HTRA4: variants seen among roughly 807,000 people sequenced by gnomAD.
HTRA4 encodes the protein serine protease HTRA4.
HTRA4 carries 46 observed loss-of-function variants against 49.1 expected under a neutral mutation model. That is an observed-to-expected ratio of 0.94 (90% CI 0.74 to 1.20). The LOEUF (loss-of-function observed/expected upper bound fraction) is 1.20, where lower values mean the gene tolerates loss of function less well. Ranked by LOEUF, HTRA4 falls within the 50% of genes most tolerant of loss-of-function variation. The probability of loss-of-function intolerance (pLI) is 0.00; values close to 1 mark genes in which losing one functional copy is unlikely to be tolerated. For synonymous variants in HTRA4, 261 were observed against 264.0 expected (o/e 0.99, Z 0.11); for missense variants, 602 against 636.9 (o/e 0.95, Z 0.59).
intron 3 of HTRA4, 58 bp downstream of exon 3, chr8:38,976,797 T>C: frequency 6.6e-7 from 1 of 1,524,572 alleles, no homozygotes; most frequent in Non-Finnish European, 9.0e-7. Flanking sequence ...ATCTATTTGC[T>C]GATATTTTCT....
Position 38,988,039 on chromosome 8 carries a change from G to C in HTRA4, c.1372G>C (p.Ala458Pro). 1 of 1,611,920 alleles carries C rather than the reference G, an allele frequency of 6.2e-7. No homozygotes were observed. The highest frequency in any genetic ancestry group is 2.2e-5 in the East Asian group (1 of 44,798). The change falls in exon 9 of 9, where the codon GCT becomes CCT. Residue 458 changes from alanine (A) to proline (P), a missense_variant. By Grantham distance (27) the Ala-to-Pro change is conservative (BLOSUM62 -1). Coordinates refer to ENST00000302495, the MANE Select transcript of HTRA4 (RefSeq NM_153692.4). ...TCTTGACAGTGATTCCCTTTCCATG[G>C]CTGTTCTTCGGGGAAAAGATAATTT... Reference protein sequence around the residue: ...KALDSDSLSMAVLRGKDNLLL... With the variant: ...KALDSDSLSMPVLRGKDNLLL...
Position 38,985,112 on chromosome 8 carries a change from G to A in HTRA4, c.1268+2064G>A, listed in dbSNP as rs137875371. 7.1e-3 allele frequency among the ~76,000 whole-genome samples: 1,078 copies of A among 152,080 alleles called. 14 individuals carry two copies. Among genetic ancestry groups the A allele is most frequent in the African/African-American group, 0.025 (1,020 of 41,494 alleles). ...ACATTTAATACTAAGTACTGAGAGA[G>A]GTGGCTTGTCCTACAAATATCATTC... On this transcript the variant is annotated intron_variant, in intron 8 of 8. Coordinates refer to ENST00000302495, the MANE Select transcript of HTRA4 (RefSeq NM_153692.4).
At chr8:38,986,494 C>A (rs1835484088) in intron 8 of HTRA4, among the ~76,000 whole-genome samples, 1 of 152,168 alleles carries the variant, frequency 6.6e-6, no homozygotes, top group Non-Finnish European at 1.5e-5. Context: ...GTCTCGAACT[C>A]CTGACCTCAG....
chr8:38,979,811 T>C (rs1835397422), intron 5 of HTRA4, among the ~76,000 whole-genome samples: 1 of 152,138 alleles, frequency 6.6e-6, no homozygotes, highest in African/African-American at 2.4e-5. Context: ...GCCACCATGC[T>C]GTGCCAAAAG....
intron 5 of HTRA4, among the ~76,000 whole-genome samples, chr8:38,980,455 C>A (rs1199016252): frequency 6.6e-6 from 1 of 151,838 alleles, no homozygotes; most frequent in Non-Finnish European, 1.5e-5. Context: ...TGGCTGGGTA[C>A]GGTGGCTCAC....
At chr8:38,984,231 C>T (rs1835458016) in intron 8 of HTRA4, among the ~76,000 whole-genome samples, 1 of 151,658 alleles carries the variant, frequency 6.6e-6, no homozygotes, top group African/African-American at 2.4e-5. Flanking sequence ...GAACTCCTGA[C>T]CTCAAGTGAT....
Position 38,974,694 on chromosome 8 carries a change from C to A in HTRA4, c.431C>A (p.Ala144Asp). 7.1e-7 allele frequency: 1 copy of A among 1,414,854 alleles called. No homozygotes were observed. Among genetic ancestry groups the A allele is most frequent in the Non-Finnish European group, 9.1e-7 (1 of 1,095,330 alleles). The allele number at this position is 1,414,854 out of a possible 1,614,324, so 87.6% of individuals were successfully genotyped here. A position where few individuals can be genotyped will look rare whatever the true frequency, so the allele number is the denominator to read the frequency against. ...RAARRLGKVP[A>D]VPVQWGNCGD... ...GCGCGCCGCCTGGGCAAGGTCCCGG[C>A]CGTGCCTGTGCAGTGGGGGAACTGC... The change falls in exon 1 of 9, where the codon GCC becomes GAC. Residue 144 changes from alanine to aspartate, a missense_variant. By Grantham distance (126) the Ala-to-Asp change is moderately radical (BLOSUM62 -2). Transcript: ENST00000302495.
At chr8:38,982,465 T>C (rs374833705) in intron 6 of HTRA4, 33 bp from the exon 7 acceptor site, 1 of 1,594,260 alleles carries the variant, frequency 6.3e-7, no homozygotes, top group African/African-American at 1.3e-5. Context: ...GGAAAGAGGT[T>C]TTGTTGTAAC....
rs1216022485 is a variant in HTRA4, at chr8:38,974,626, C to T, written c.363C>T (p.Arg121=). ...LGGAVCGSDR[R]TYPSMCALRA... Reference sequence around the variant, plus strand: ...GGGCCGTGTGCGGCAGCGACAGGCGCACCTACCCCAGCATGTGCGCGCTCC... The same window carrying T: ...GGGCCGTGTGCGGCAGCGACAGGCGTACCTACCCCAGCATGTGCGCGCTCC... Residue 121 remains arginine, a synonymous_variant, in exon 1 of 9, where the codon CGC becomes CGT. Transcript: ENST00000302495. The T allele has an allele frequency of 7.0e-7, 1 of 1,427,528 alleles. No homozygotes were observed. The highest frequency in any genetic ancestry group is 1.5e-5 in the African/African-American group (1 of 66,732). The allele number at this position is 1,427,528 out of a possible 1,614,324, so 88.4% of individuals were successfully genotyped here. A position where few individuals can be genotyped will look rare whatever the true frequency, so the allele number is the denominator to read the frequency against.
chr8:38,984,015 C>G (rs146573147), intron 8 of HTRA4, among the ~76,000 whole-genome samples: 2 of 129,680 alleles, frequency 1.5e-5, no homozygotes, highest in African/African-American at 5.4e-5. Flanking sequence ...GTTTTTTTTT[C>G]TTTTGAGATG....
rs546649374 is a variant in HTRA4, at chr8:38,985,062, C to T, written c.1268+2014C>T. 2.6e-5 allele frequency among the ~76,000 whole-genome samples: 4 copies of T among 152,334 alleles called. No homozygotes were observed. The East Asian group carries it at 7.7e-4, about 29-fold the overall frequency. ...GGACAGCTTCCAAAAGAAGGTTCTC[C>T]AGCTGATTTCACTGTTGTTTCAAAA... On this transcript the variant is annotated intron_variant, in intron 8 of 8. Transcript: ENST00000302495.
At chr8:38,978,762 C>T (rs1353939103) in intron 4 of HTRA4, among the ~76,000 whole-genome samples, 3 of 150,816 alleles carry the variant, frequency 2.0e-5, no homozygotes, top group African/African-American at 7.3e-5. Context: ...TTTGGGAGGC[C>T]GAAGGGGGTG....
chr8:38,976,663 A>G lies in HTRA4; in HGVS notation c.695A>G (p.Asn232Ser), dbSNP rs1400109895. Residue 232 changes from asparagine (N) to serine (S), a missense_variant, in exon 3 of 9, where the codon AAT (asparagine) becomes AGT (serine). Asn to Ser is a conservative substitution (Grantham distance 46). Coordinates refer to ENST00000302495, the MANE Select transcript of HTRA4 (RefSeq NM_153692.4). Reference protein sequence around the residue: ...NQQWIEVVLQNGARYEAVVKD... With the variant: ...NQQWIEVVLQSGARYEAVVKD... ...CAGTGGATTGAGGTGGTGCTCCAGA[A>G]TGGGGCCCGTTATGAAGCTGTTGTC... 1.2e-6 allele frequency: 2 copies of G among 1,613,898 alleles called. No homozygotes were observed. Among genetic ancestry groups the G allele is most frequent in the African/African-American group, 2.7e-5 (2 of 75,034 alleles).
intron 8 of HTRA4, among the ~76,000 whole-genome samples, chr8:38,984,539 G>A (rs1350430621): frequency 6.6e-6 from 1 of 151,858 alleles, no homozygotes; most frequent in Non-Finnish European, 1.5e-5. Context: ...TTGAGGTCAG[G>A]ATTTTGAGAC....
chr8:38,988,125 T>TAA lies in HTRA4; in HGVS notation c.*39_*40dup, dbSNP rs373559742. ...TATCTTGTTTTAAAGTGGGATTATCTAAAAAAAAAAAAACCAGTTATATCA... is the reference window on the plus strand; with the variant it reads ...TATCTTGTTTTAAAGTGGGATTATCTAAAAAAAAAAAAAAACCAGTTATATCA... On this transcript the variant is annotated 3_prime_UTR_variant, in exon 9 of 9. Transcript: ENST00000302495. 0.17 allele frequency: 226,501 copies of TAA among 1,314,716 alleles called. 7,845 individuals are homozygous for TAA. Among genetic ancestry groups the TAA allele is most frequent in the East Asian group, 0.36 (13,078 of 36,094 alleles). The allele number at this position is 1,314,716 out of a possible 1,614,324, so 81.4% of individuals were successfully genotyped here. A position where few individuals can be genotyped will look rare whatever the true frequency, so the allele number is the denominator to read the frequency against.
rs1432593252 is a variant in HTRA4 at position 38,974,517 on chromosome 8, GC to G, written c.256del (p.Gln86AsnfsTer121). On this transcript the variant is annotated frameshift_variant, in exon 1 of 9. Transcript: ENST00000302495. LOFTEE classifies it high-confidence loss of function. ...CGTGAAGTCTGCGGCGGGGCGCAGG[GC>G]CAACCGTGCGCCCCGGGGCTGCAGT... ...AEREVCGGAQ[G>X]QPCAPGLQCL... 7.6e-6 allele frequency: 11 copies of G among 1,445,376 alleles called. No individual in the cohort carries two copies. The highest frequency in any genetic ancestry group is 9.0e-6 in the Non-Finnish European group (10 of 1,111,720). 89.5% of individuals were successfully genotyped at this position (1,445,376 alleles called of 1,614,324 possible).
Position 38,981,063 on chromosome 8 carries a change from G to GTTTTTTTTT in HTRA4, c.1000-564_1000-556dup, listed in dbSNP as rs71216700. On this transcript the variant is annotated intron_variant, in intron 5 of 8. Coordinates refer to ENST00000302495, the MANE Select transcript of HTRA4 (RefSeq NM_153692.4). ...TACTAAAGGAAAAAAATGAGCTTAA[G>GTTTTTTTTT]TTTTTTTTTTTTTTTTTTTTTTTTT... is the stretch of plus-strand genomic sequence containing the variant. 1.5e-3 allele frequency among the ~76,000 whole-genome samples: 73 copies of GTTTTTTTTT among 48,132 alleles called. 5 individuals carry two copies. The highest frequency in any genetic ancestry group is 1.6e-3 in the Non-Finnish European group (37 of 23,326). 31.6% of individuals were successfully genotyped at this position (48,132 alleles called of 152,430 possible).
intron 8 of HTRA4, among the ~76,000 whole-genome samples, chr8:38,983,356 C>G (rs1389942322): frequency 6.6e-6 from 1 of 152,124 alleles, no homozygotes; most frequent in Non-Finnish European, 1.5e-5. Context: ...GGCCAACATA[C>G]TGAAACCCCG....
In HTRA4 at chr8:38,978,010, G is replaced by A. The variant is rs750960313; in HGVS notation, c.829G>A (p.Val277Met). ...ATCTGACCTTCGGGCTGGAGAGTTTGTGGTGGCTTTGGGCAGCCCATTTTC... is the reference window on the plus strand; with the variant it reads ...ATCTGACCTTCGGGCTGGAGAGTTTATGGTGGCTTTGGGCAGCCCATTTTC... Reference protein sequence around the residue: ...RSSDLRAGEFVVALGSPFSLQ... With the variant: ...RSSDLRAGEFMVALGSPFSLQ... The change falls in exon 4 of 9, where the codon GTG (valine) becomes ATG (methionine). Residue 277 changes from valine to methionine, a missense_variant. Transcript: ENST00000302495. 2 of 1,614,186 alleles carry A rather than the reference G, an allele frequency of 1.2e-6. No homozygotes were observed. The highest frequency in any genetic ancestry group is 3.3e-5 in the Admixed American group (2 of 60,022).
Sources: gnomAD v4.1 joint callset for allele counts (sites outside exome capture counted in the v4.1 genomes callset) on GRCh38, gnomAD v4.1.1 for gene constraint, MANE v1.5 for transcripts, NCBI Gene and HGNC (gene_info 2026-07-23, HGNC 2026-07-21) for gene names.